Variants in PLCXD3 observed in about 807,000 individuals in gnomAD.
PLCXD3 encodes the protein phosphatidylinositol specific phospholipase C X domain containing 3, also known as PI-PLC X domain-containing protein 3.
A neutral mutation model predicts 25.5 loss-of-function variants in PLCXD3; 19 were observed. The observed-to-expected ratio is 0.75, with a 90% CI of 0.52 to 1.09. The LOEUF is 1.09. PLCXD3 is among the 50% of genes least tolerant of loss of function. The pLI is 0.00. For missense variants in PLCXD3, 411 were observed against 388.1 expected (o/e 1.06, Z -0.50); for synonymous variants, 174 against 137.6 (o/e 1.26, Z -1.85).
In PLCXD3 at chr5:41,349,107, C is replaced by T. The variant is rs533996246; in HGVS notation, c.812+32719G>A. Among the ~76,000 whole-genome samples, 6 of 152,114 alleles carry T rather than the reference C, an allele frequency of 3.9e-5. No homozygotes were observed. In the South Asian group the frequency reaches 1.2e-3, roughly 32 times the overall value. On this transcript the variant is annotated intron_variant, in intron 2 of 2. Transcript: ENST00000377801. ...ACAGTGCAAAGGATTAGAAAGAGTC[C>T]ACATATCCATGTGTTACAAGTTCTG...
At chr5:41,376,391 A>C (rs757356333) in intron 2 of PLCXD3, among the ~76,000 whole-genome samples, 2 of 152,062 alleles carry the variant, frequency 1.3e-5, no homozygotes, top group Non-Finnish European at 2.9e-5. Context: ...CTACATAATT[A>C]GGTGGGTTTC....
intron 1 of PLCXD3, among the ~76,000 whole-genome samples, chr5:41,423,738 G>A (rs1229690858): frequency 6.6e-6 from 1 of 152,142 alleles, no homozygotes; most frequent in African/African-American, 2.4e-5. Flanking sequence ...CTGAGGTCAG[G>A]AGTTCGAGAC....
At position 41,308,250 on chromosome 5, in the gene PLCXD3, C is replaced by T. The variant is rs532108121; in HGVS notation, c.*5367G>A. On this transcript the variant is annotated 3_prime_UTR_variant, in exon 3 of 3. Coordinates refer to ENST00000377801, the MANE Select transcript of PLCXD3 (RefSeq NM_001005473.3). The stretch of plus-strand genomic sequence containing the variant: ...GAGATTTAGGAAAAAATATATAGGA[C>T]ATACCCAGTTACATTTGAATTTCAG... The T allele has an allele frequency of 6.6e-6, 1 of 152,208 alleles. No individual in the cohort carries two copies. The highest frequency in any genetic ancestry group is 2.4e-5 in the African/African-American group (1 of 41,538). 9.4% of individuals were successfully genotyped at this position (152,208 alleles called of 1,614,324 possible).
At chr5:41,383,302 T>A (rs904885079) in intron 1 of PLCXD3, among the ~76,000 whole-genome samples, 13 of 152,094 alleles carry the variant, frequency 8.5e-5, no homozygotes, top group Admixed American at 5.9e-4. Flanking sequence ...TAAACTCTTT[T>A]GGGAATTGGC....
chr5:41,391,647 A>G (rs895070655), intron 1 of PLCXD3, among the ~76,000 whole-genome samples: 3 of 152,158 alleles, frequency 2.0e-5, no homozygotes, highest in African/African-American at 4.8e-5. Context: ...TGTGGTGGCT[A>G]CTGGGCAAAA....
intron 2 of PLCXD3, among the ~76,000 whole-genome samples, chr5:41,366,550 A>G (rs979821066): frequency 3.3e-5 from 5 of 152,228 alleles, no homozygotes; most frequent in African/African-American, 4.8e-5. Flanking sequence ...AGAGAAGACT[A>G]TGTTAATACT....
At chr5:41,384,937 T>C (rs1470014631) in intron 1 of PLCXD3, among the ~76,000 whole-genome samples, 1 of 152,094 alleles carries the variant, frequency 6.6e-6, no homozygotes, top group African/African-American at 2.4e-5. Context: ...TGCTTCACAC[T>C]GTAAATATTA....
intron 2 of PLCXD3, among the ~76,000 whole-genome samples, chr5:41,379,748 C>T (rs1051727598): frequency 1.3e-5 from 2 of 152,004 alleles, no homozygotes; most frequent in African/African-American, 4.8e-5. Context: ...ATCTAAAAAA[C>T]ATTGTGGAAA....
At chr5:41,373,219 A>T (rs1290458061) in intron 2 of PLCXD3, among the ~76,000 whole-genome samples, 1 of 152,074 alleles carries the variant, frequency 6.6e-6, no homozygotes, top group Admixed American at 6.6e-5. Context: ...AACACAACTG[A>T]CCAGCATTTC....
rs1483113371 is a variant in PLCXD3, at chr5:41,397,277, G to C, written c.104-14743C>G. On this transcript the variant is annotated intron_variant, in intron 1 of 2. Transcript: ENST00000377801. ...CTGCTCTGTGTAGTATTGGGACCTG[G>C]AGCACTGCATTCCAGCTGCCCCAGC... is the stretch of plus-strand genomic sequence containing the variant. Among the ~76,000 whole-genome samples, 3 of 152,160 alleles carry C rather than the reference G, an allele frequency of 2.0e-5. No homozygotes were observed. In the East Asian group the frequency reaches 5.8e-4, roughly 29 times the overall value.
At chr5:41,462,750 A>C (rs1308870140) in intron 1 of PLCXD3, among the ~76,000 whole-genome samples, 1 of 151,768 alleles carries the variant, frequency 6.6e-6, no homozygotes, top group Non-Finnish European at 1.5e-5. Flanking sequence ...GCATCATTTC[A>C]CTCCAGCCTG....
At chr5:41,381,432 G>T (rs1330578447) in intron 2 of PLCXD3, among the ~76,000 whole-genome samples, 1 of 152,104 alleles carries the variant, frequency 6.6e-6, no homozygotes, top group Non-Finnish European at 1.5e-5. Flanking sequence ...AATTCAATAT[G>T]ACTGGTATCC....
chr5:41,417,724 G>C lies in PLCXD3; in HGVS notation c.104-35190C>G, dbSNP rs318037. Among the ~76,000 whole-genome samples, 345 of 152,292 alleles carry C rather than the reference G, an allele frequency of 2.3e-3. 1 individual carries two copies. Among genetic ancestry groups the C allele is most frequent in the African/African-American group, 7.5e-3 (313 of 41,550 alleles). On this transcript the variant is annotated intron_variant, in intron 1 of 2. Coordinates refer to ENST00000377801, the MANE Select transcript of PLCXD3 (RefSeq NM_001005473.3). Reference sequence around the variant, plus strand: ...CAAAGCTGTTAAGCCATGGTATAGGGCTGCGCTGAGCAAACCTGGAGGGTA... The same window carrying C: ...CAAAGCTGTTAAGCCATGGTATAGGCCTGCGCTGAGCAAACCTGGAGGGTA...
chr5:41,333,185 C>G (rs553198390), intron 2 of PLCXD3, among the ~76,000 whole-genome samples: 37 of 151,954 alleles, frequency 2.4e-4, no homozygotes, highest in Non-Finnish European at 5.0e-4. Context: ...CGTCCCAACC[C>G]AGCCTAAGAA....
At chr5:41,410,368 C>T (rs1746483459) in intron 1 of PLCXD3, among the ~76,000 whole-genome samples, 1 of 151,862 alleles carries the variant, frequency 6.6e-6, no homozygotes, top group Non-Finnish European at 1.5e-5. Flanking sequence ...TGGTCTTGAT[C>T]TCCTGACCTC....
intron 1 of PLCXD3, among the ~76,000 whole-genome samples, chr5:41,459,498 A>T (rs891576496): frequency 7.9e-5 from 12 of 151,878 alleles, no homozygotes; most frequent in Non-Finnish European, 1.3e-4. Context: ...ATTTTTAAAG[A>T]TTTGTACATT....
intron 1 of PLCXD3, among the ~76,000 whole-genome samples, chr5:41,455,866 G>T (rs1291182125): frequency 6.6e-6 from 1 of 151,932 alleles, no homozygotes; most frequent in Non-Finnish European, 1.5e-5. Context: ...ACATTTTCAA[G>T]TATGATAATG....
chr5:41,385,709 T>C (rs1337560937), intron 1 of PLCXD3, among the ~76,000 whole-genome samples: 1 of 152,118 alleles, frequency 6.6e-6, no homozygotes, highest in Non-Finnish European at 1.5e-5. Flanking sequence ...ATGCCGCTTC[T>C]GAGATTAGGT....
At chr5:41,445,773 T>G (rs1174044279) in intron 1 of PLCXD3, among the ~76,000 whole-genome samples, 1 of 152,152 alleles carries the variant, frequency 6.6e-6, no homozygotes, top group East Asian at 1.9e-4. Flanking sequence ...GAGGTCTTAT[T>G]TAAAAAAATA....
Sources: gnomAD v4.1 joint callset for allele counts (sites outside exome capture counted in the v4.1 genomes callset) on GRCh38, gnomAD v4.1.1 for gene constraint, MANE v1.5 for transcripts, NCBI Gene and HGNC (gene_info 2026-07-23, HGNC 2026-07-21) for gene names.